The following KCND2 variants were observed in gnomAD, a reference collection of about 807,000 sequenced individuals.
The protein encoded by KCND2 is potassium voltage-gated channel subfamily D member 2, also known as A-type voltage-gated potassium channel KCND2.
Under a neutral mutation model 54.4 loss-of-function variants are expected in KCND2, and 16 were observed. That is an observed-to-expected ratio of 0.29 (90% CI 0.20 to 0.45). The LOEUF is 0.45. Among genes scored for constraint, KCND2 ranks in the 20% least tolerant of loss-of-function variants. The pLI, the probability that KCND2 is intolerant of heterozygous loss-of-function variation, is 1.00. For missense variants in KCND2, 486 were observed against 824.2 expected, an observed-to-expected ratio of 0.59 and a Z score of 5.02; for synonymous variants, 317 against 310.7, an observed-to-expected ratio of 1.02 and a Z score of -0.21.
intron 1 of KCND2, among the ~76,000 whole-genome samples, chr7:120,591,560 A>C (rs1214140783): frequency 6.6e-6 from 1 of 152,222 alleles, no homozygotes; most frequent in Non-Finnish European, 1.5e-5. Context: ...GTTTATACCC[A>C]TAATTTGAAG....
intron 1 of KCND2, among the ~76,000 whole-genome samples, chr7:120,284,200 A>G (rs898769318): frequency 6.6e-6 from 1 of 152,106 alleles, no homozygotes; most frequent in Non-Finnish European, 1.5e-5. Context: ...TTTGCCCTCT[A>G]GATAACTCTG....
intron 1 of KCND2, among the ~76,000 whole-genome samples, chr7:120,335,548 G>A (rs1800138354): frequency 6.6e-6 from 1 of 150,880 alleles, no homozygotes; most frequent in Non-Finnish European, 1.5e-5. Flanking sequence ...GTGCAGTGGT[G>A]CGATCTTGGC....
At chr7:120,386,384 C>G (rs775686729) in intron 1 of KCND2, among the ~76,000 whole-genome samples, 1 of 152,028 alleles carries the variant, frequency 6.6e-6, no homozygotes, top group South Asian at 2.1e-4. Flanking sequence ...CCCTTCTTGC[C>G]TCTTCCCCCT....
At chr7:120,715,769 T>G (rs897080464) in intron 1 of KCND2, among the ~76,000 whole-genome samples, 12 of 151,994 alleles carry the variant, frequency 7.9e-5, no homozygotes, top group African/African-American at 2.9e-4. Context: ...AGGTATAGAG[T>G]GACAACACTT....
chr7:120,747,713 G>A lies in KCND2; in HGVS notation c.1748G>A (p.Cys583Tyr), dbSNP rs773019611. Residue 583 changes from cysteine to tyrosine, a missense_variant, in exon 6 of 6, where the codon TGT (cysteine) becomes TAT (tyrosine). Coordinates refer to ENST00000331113, the MANE Select transcript of KCND2 (RefSeq NM_012281.3). Reference sequence around the variant, plus strand: ...AGTTTAAATGCCAAAATGGAAGAGTGTGTTAAACTAAACTGTGAACAACCT... The same window carrying A: ...AGTTTAAATGCCAAAATGGAAGAGTATGTTAAACTAAACTGTGAACAACCT... ...RSSLNAKMEE[C>Y]VKLNCEQPYV... 1.3e-5 allele frequency: 21 copies of A among 1,612,448 alleles called. No homozygotes were observed. Among genetic ancestry groups the A allele is most frequent in the Non-Finnish European group, 1.8e-5 (21 of 1,178,974 alleles).
intron 1 of KCND2, among the ~76,000 whole-genome samples, chr7:120,370,429 A>G (rs1800749183): frequency 6.6e-6 from 1 of 152,074 alleles, no homozygotes; most frequent in Admixed American, 6.6e-5. Flanking sequence ...TTTTGAATGT[A>G]GAGTCAACAG....
At chr7:120,722,300 T>TGAGTGAGAACACCAGGCCTTTCA (rs1334804195) in intron 1 of KCND2, among the ~76,000 whole-genome samples, 9 of 152,110 alleles carry the variant, frequency 5.9e-5, no homozygotes, top group African/African-American at 2.2e-4. Flanking sequence ...CAGGCCTTTC[T>TGAGTGAGAACACCAGGCCTTTCA]GAGTGAGAAC....
chr7:120,347,347 C>A (rs1400188868), intron 1 of KCND2, among the ~76,000 whole-genome samples: 1 of 152,142 alleles, frequency 6.6e-6, no homozygotes, highest in South Asian at 2.1e-4. Flanking sequence ...TATTCTAACC[C>A]AGCTCTTAAA....
At chr7:120,437,741 T>C (rs1217487307) in intron 1 of KCND2, among the ~76,000 whole-genome samples, 13 of 152,226 alleles carry the variant, frequency 8.5e-5, no homozygotes, top group Non-Finnish European at 7.3e-5. Flanking sequence ...ATATAGAATA[T>C]ATGTTTCTAG....
chr7:120,338,880 C>T (rs1800191638), intron 1 of KCND2, among the ~76,000 whole-genome samples: 1 of 151,588 alleles, frequency 6.6e-6, no homozygotes, highest in Admixed American at 6.6e-5. Context: ...TCTAACCTTG[C>T]TACTATCTTT....
chr7:120,386,523 A>G (rs1298189450), intron 1 of KCND2, among the ~76,000 whole-genome samples: 1 of 152,178 alleles, frequency 6.6e-6, no homozygotes, highest in Non-Finnish European at 1.5e-5. Context: ...TACAATTACA[A>G]ATATTCTTTG....
chr7:120,440,008 AT>A (rs1801925591), intron 1 of KCND2, among the ~76,000 whole-genome samples: 2 of 152,070 alleles, frequency 1.3e-5, no homozygotes, highest in South Asian at 4.1e-4. Context: ...CTTTGGATAA[AT>A]ATCCAGGAGC....
chr7:120,582,794 G>A (rs748520482), intron 1 of KCND2, among the ~76,000 whole-genome samples: 8 of 152,020 alleles, frequency 5.3e-5, no homozygotes, highest in Non-Finnish European at 1.2e-4. Flanking sequence ...GGCCCAGCAG[G>A]TATTTTATTA....
At chr7:120,292,878 T>C (rs2116279147) in intron 1 of KCND2, among the ~76,000 whole-genome samples, 1 of 151,984 alleles carries the variant, frequency 6.6e-6, no homozygotes, top group Middle Eastern at 3.4e-3. Flanking sequence ...ATGTGATTTC[T>C]TGACCTCCTT....
At chr7:120,728,159 A>G (rs1331921724) in intron 1 of KCND2, among the ~76,000 whole-genome samples, 1 of 151,162 alleles carries the variant, frequency 6.6e-6, no homozygotes, top group Non-Finnish European at 1.5e-5. Context: ...GAAAGAAAGA[A>G]AAAAGAAAAG....
intron 1 of KCND2, among the ~76,000 whole-genome samples, chr7:120,677,811 T>C (rs184898344): frequency 5.5e-4 from 84 of 152,186 alleles, no homozygotes; most frequent in African/African-American, 1.9e-3. Flanking sequence ...AGGAGAAGAT[T>C]GCAATATAAA....
rs558496074 is a variant in KCND2 at position 120,333,479 on chromosome 7, C to T, written c.1115+57732C>T. On this transcript the variant is annotated intron_variant, in intron 1 of 5. Transcript: ENST00000331113. Reference sequence around the variant, plus strand: ...TGGACAGATTCTAAGAAATTCAACTCCATTTGTTCAAAAACAGCACAAACC... The same window carrying T: ...TGGACAGATTCTAAGAAATTCAACTTCATTTGTTCAAAAACAGCACAAACC... Among the ~76,000 whole-genome samples, 216 of 152,106 alleles carry T rather than the reference C, an allele frequency of 1.4e-3. 1 individual carries two copies. Among genetic ancestry groups the T allele is most frequent in the African/African-American group, 5.1e-3 (213 of 41,548 alleles).
At chr7:120,469,030 C>T (rs1447568227) in intron 1 of KCND2, among the ~76,000 whole-genome samples, 3 of 152,140 alleles carry the variant, frequency 2.0e-5, no homozygotes, top group African/African-American at 2.4e-5. Context: ...CACACACACA[C>T]ACACACACAA....
At chr7:120,333,416 G>T (rs1800095760) in intron 1 of KCND2, among the ~76,000 whole-genome samples, 1 of 152,000 alleles carries the variant, frequency 6.6e-6, no homozygotes, top group African/African-American at 2.4e-5. Context: ...CTTTCAGGTT[G>T]TTACTATCAA....
Sources: allele counts gnomAD v4.1 joint callset (sites outside exome capture counted in the v4.1 genomes callset), GRCh38; gene constraint gnomAD v4.1.1; transcripts MANE v1.5; gene names NCBI Gene and HGNC (gene_info 2026-07-23, HGNC 2026-07-21).